The following CBLN2 variants were observed in gnomAD, a reference collection of about 807,000 sequenced individuals.
CBLN2 encodes the protein cerebellin-2.
CBLN2 carries 7 observed loss-of-function variants against 15.0 expected under a neutral mutation model. The observed-to-expected ratio is 0.47, with a 90% CI of 0.27 to 0.88. The LOEUF (loss-of-function observed/expected upper bound fraction) is 0.88. CBLN2 is among the 40% of genes least tolerant of loss of function. The pLI, the probability that CBLN2 is intolerant of heterozygous loss-of-function variation, is 0.14. For missense variants in CBLN2, 242 were observed against 304.5 expected, an observed-to-expected ratio of 0.79 and a Z score of 1.53; for synonymous variants, 149 against 135.2, an observed-to-expected ratio of 1.10 and a Z score of -0.71.
At chr18:72,561,747 A>C (rs1045357854) in intron 1 of CBLN2, among the ~76,000 whole-genome samples, 1 of 152,202 alleles carries the variant, frequency 6.6e-6, no homozygotes, top group Non-Finnish European at 1.5e-5. Context: ...TATGGAAACT[A>C]TAACGTATTG....
chr18:72,617,345 C>A (rs1292043066), intron 1 of CBLN2, among the ~76,000 whole-genome samples: 1 of 151,938 alleles, frequency 6.6e-6, no homozygotes, highest in Non-Finnish European at 1.5e-5. Context: ...ATGAATTCTA[C>A]TAAATAGTTA....
Position 72,611,087 on chromosome 18 carries a change from C to G in CBLN2, c.15+27238G>C, listed in dbSNP as rs546662024. 1.2e-4 allele frequency among the ~76,000 whole-genome samples: 18 copies of G among 152,238 alleles called. No homozygotes were observed. The East Asian group carries it at 2.9e-3, about 24-fold the overall frequency. On this transcript the variant is annotated intron_variant, in intron 1 of 2. Coordinates refer to the CBLN2 transcript ENST00000581073. ...GAACATTATTTCATATTTTTTATGG[C>G]TGCATAGTATTTCATGGTGTATATG... is the stretch of plus-strand genomic sequence containing the variant.
chr18:72,573,524 T>G (rs2069345049), intron 1 of CBLN2, among the ~76,000 whole-genome samples: 1 of 152,200 alleles, frequency 6.6e-6, no homozygotes, highest in Non-Finnish European at 1.5e-5. Flanking sequence ...TGTTATATAG[T>G]TGGAAGCATA....
At chr18:72,620,013 A>G (rs900090621) in intron 1 of CBLN2, among the ~76,000 whole-genome samples, 5 of 152,246 alleles carry the variant, frequency 3.3e-5, no homozygotes, top group Non-Finnish European at 1.5e-5. Context: ...TGGGTGAGCA[A>G]GTAAGCGACC....
At chr18:72,553,542 G>A (rs916192610) in intron 1 of CBLN2, among the ~76,000 whole-genome samples, 4 of 152,034 alleles carry the variant, frequency 2.6e-5, no homozygotes, top group East Asian at 1.9e-4. Context: ...TTACAAATGT[G>A]TGCATATTTT....
upstream of CBLN2, among the ~76,000 whole-genome samples, chr18:72,545,065 A>G (rs914875215): frequency 2.6e-5 from 4 of 151,978 alleles, no homozygotes; most frequent in Non-Finnish European, 5.9e-5. Context: ...TTCACACCGA[A>G]CCCTCTCCCC....
chr18:72,584,595 C>T (rs1420486116), intron 1 of CBLN2, among the ~76,000 whole-genome samples: 1 of 152,124 alleles, frequency 6.6e-6, no homozygotes, highest in Non-Finnish European at 1.5e-5. Context: ...AGCCACCATG[C>T]CCAGCCTACA....
intron 1 of CBLN2, among the ~76,000 whole-genome samples, chr18:72,556,881 CAG>C (rs1388798927): frequency 1.3e-5 from 2 of 152,030 alleles, no homozygotes; most frequent in Non-Finnish European, 2.9e-5. Flanking sequence ...TTAAAACCAA[CAG>C]AGTAATAGCT....
intron 3 of CBLN2, chr18:72,539,809 G>C (rs2069095472): frequency 6.6e-6 from 1 of 152,032 alleles, no homozygotes; most frequent in South Asian, 2.1e-4. Context: ...TAATAAGATG[G>C]CCTGCCTTTT....
chr18:72,615,011 C>A (rs2069647222), intron 1 of CBLN2, among the ~76,000 whole-genome samples: 1 of 141,984 alleles, frequency 7.0e-6, no homozygotes, highest in Admixed American at 7.4e-5. Context: ...CTGTTTGTCA[C>A]TTAGCAACTT....
At chr18:72,554,272 G>C (rs1158732891) in intron 1 of CBLN2, among the ~76,000 whole-genome samples, 2 of 151,710 alleles carry the variant, frequency 1.3e-5, no homozygotes, top group Admixed American at 1.3e-4. Context: ...TTTACCTAGA[G>C]GATGTTTGCA....
chr18:72,575,506 A>AG (rs933748783), intron 1 of CBLN2, among the ~76,000 whole-genome samples: 1 of 152,150 alleles, frequency 6.6e-6, no homozygotes, highest in Non-Finnish European at 1.5e-5. Context: ...GTTTTTAGGA[A>AG]GGGGGGCGTG....
chr18:72,552,680 G>A (rs552365848), intron 1 of CBLN2: 3 of 152,110 alleles, frequency 2.0e-5, no homozygotes, highest in African/African-American at 7.2e-5. Flanking sequence ...GGTACATAGC[G>A]AATTGATAAT....
rs2069066411 is a variant in CBLN2, at chr18:72,536,826, A to C, written c.*1350T>G. 6.6e-6 allele frequency: 1 copy of C among 152,622 alleles called. No homozygotes were observed. Among genetic ancestry groups the C allele is most frequent in the Admixed American group, 6.5e-5 (1 of 15,278 alleles). The allele number at this position is 152,622 out of a possible 1,614,324, so 9.5% of individuals were successfully genotyped here. The stretch of plus-strand genomic sequence containing the variant: ...TTGGGATTAGTGACATTTCCTTGGC[A>C]TATGCATTACACACCCATCAACTCT... On this transcript the variant is annotated 3_prime_UTR_variant, in exon 5 of 5. Transcript: ENST00000269503.
intron 1 of CBLN2, among the ~76,000 whole-genome samples, chr18:72,631,985 T>C (rs986904410): frequency 6.6e-5 from 10 of 151,960 alleles, no homozygotes; most frequent in East Asian, 1.9e-4. Flanking sequence ...ATCTCCACTT[T>C]AGGCTATTTT....
chr18:72,606,724 G>C (rs1459901181), intron 1 of CBLN2, among the ~76,000 whole-genome samples: 1 of 152,216 alleles, frequency 6.6e-6, no homozygotes, highest in African/African-American at 2.4e-5. Flanking sequence ...TACCAGCTCG[G>C]CCAGGAGTGT....
chr18:72,579,089 T>C (rs536978205), intron 1 of CBLN2, among the ~76,000 whole-genome samples: 7 of 152,310 alleles, frequency 4.6e-5, no homozygotes, highest in African/African-American at 1.7e-4. Flanking sequence ...CATCTATTTG[T>C]TGCTTTTGAG....
intron 1 of CBLN2, among the ~76,000 whole-genome samples, chr18:72,551,066 T>C (rs1201248297): frequency 6.6e-6 from 1 of 151,992 alleles, no homozygotes; most frequent in Non-Finnish European, 1.5e-5. Context: ...ACAAGTACCG[T>C]GACATTTTGT....
intron 1 of CBLN2, among the ~76,000 whole-genome samples, chr18:72,585,581 A>G (rs1205220807): frequency 1.3e-5 from 2 of 152,072 alleles, no homozygotes; most frequent in African/African-American, 2.4e-5. Flanking sequence ...TGATTAGTTC[A>G]TGGGTGGTGA....
Sources: gnomAD v4.1 joint callset for allele counts (sites outside exome capture counted in the v4.1 genomes callset) on GRCh38, gnomAD v4.1.1 for gene constraint, MANE v1.5 for transcripts, NCBI Gene and HGNC (gene_info 2026-07-23, HGNC 2026-07-21) for gene names.